Variants in TRUB1 observed in about 807,000 individuals in gnomAD.
TRUB1 encodes TruB pseudouridine synthase family member 1.
In TRUB1, 23 loss-of-function variants were observed where a neutral mutation model predicts 33.9. That is an observed-to-expected ratio of 0.68 (90% CI 0.49 to 0.96). The LOEUF is 0.96. Ranked by LOEUF, TRUB1 falls within the 40% of genes least tolerant of loss-of-function variation. TRUB1 has a pLI of 0.00. For synonymous variants in TRUB1, 163 were observed against 165.4 expected (o/e 0.99, Z 0.11); for missense variants, 378 against 422.2 (o/e 0.90, Z 0.92).
chr10:114,973,591 G>A (rs1355250335), intron 6 of TRUB1, among the ~76,000 whole-genome samples: 1 of 152,194 alleles, frequency 6.6e-6, no homozygotes, highest in Non-Finnish European at 1.5e-5. Flanking sequence ...GTCCTTTTGT[G>A]TGGAAATGTG....
At chr10:114,960,549 C>T (rs2084280849) in intron 4 of TRUB1, among the ~76,000 whole-genome samples, 1 of 152,048 alleles carries the variant, frequency 6.6e-6, no homozygotes, top group African/African-American at 2.4e-5. Context: ...GTTGATTATC[C>T]TTATTACGTA....
intron 4 of TRUB1, 71 bp downstream of exon 4, chr10:114,959,878 A>G (rs1364979708): frequency 1.1e-6 from 1 of 883,478 alleles, no homozygotes; most frequent in African/African-American, 1.7e-5. Flanking sequence ...TAGCATTTTA[A>G]AACAAATCTC....
intron 7 of TRUB1, among the ~76,000 whole-genome samples, chr10:114,974,683 CA>C (rs745691662): frequency 4.5e-3 from 582 of 129,008 alleles, no homozygotes; most frequent in Admixed American, 5.8e-3. Flanking sequence ...AACTAGGGAT[CA>C]AAAAAAAAAA....
chr10:114,938,610 G>T, intron 1 of TRUB1, 71 bp downstream of exon 1: 1 of 1,423,652 alleles, frequency 7.0e-7, no homozygotes. Flanking sequence ...GGCTTTTTGC[G>T]ACGCTCGTGA....
chr10:114,955,628 T>C (rs540731737), intron 3 of TRUB1, among the ~76,000 whole-genome samples: 1 of 152,128 alleles, frequency 6.6e-6, no homozygotes, highest in Non-Finnish European at 1.5e-5. Flanking sequence ...GGTCAAAGGA[T>C]AGTAACTTTC....
At chr10:114,965,206 G>A (rs985308637) in intron 4 of TRUB1, among the ~76,000 whole-genome samples, 3 of 151,954 alleles carry the variant, frequency 2.0e-5, no homozygotes, top group African/African-American at 7.2e-5. Context: ...TGAGATTACA[G>A]GCTTGAGCCA....
At chr10:114,971,189 C>T (rs367825035) in intron 5 of TRUB1, among the ~76,000 whole-genome samples, 29 of 152,282 alleles carry the variant, frequency 1.9e-4, no homozygotes, top group South Asian at 1.9e-3. Flanking sequence ...ATGAGGGCTG[C>T]GCCCTACGAC....
intron 3 of TRUB1, among the ~76,000 whole-genome samples, chr10:114,957,944 G>A (rs150444940): frequency 6.6e-6 from 1 of 152,082 alleles, no homozygotes; most frequent in African/African-American, 2.4e-5. Flanking sequence ...TGTTAACTGC[G>A]AATCATTCTG....
intron 2 of TRUB1, among the ~76,000 whole-genome samples, chr10:114,950,176 G>A (rs1054642782): frequency 6.6e-6 from 1 of 152,170 alleles, no homozygotes; most frequent in Admixed American, 6.5e-5. Flanking sequence ...GGGATTACAG[G>A]CGTGAGCCAA....
rs1463961971 is a variant in TRUB1, at chr10:114,960,112, G to A, written c.523+305G>A. ...ATTTAGGTTATTTTCCCTAGTAAAC[G>A]AGAAACAAAGCAGAGATACTCTGTT... On this transcript the variant is annotated intron_variant, in intron 4 of 7. Coordinates refer to ENST00000298746, the MANE Select transcript of TRUB1 (RefSeq NM_139169.5). 2.2e-5 allele frequency: 6 copies of A among 272,680 alleles called. No individual in the cohort carries two copies. In the South Asian group the frequency reaches 3.4e-4, roughly 16 times the overall value. 16.9% of individuals were successfully genotyped at this position (272,680 alleles called of 1,614,324 possible). A position where few individuals can be genotyped will look rare whatever the true frequency, so the allele number is the denominator to read the frequency against.
intron 2 of TRUB1, among the ~76,000 whole-genome samples, chr10:114,945,757 A>T (rs2084208527): frequency 6.6e-6 from 1 of 152,030 alleles, no homozygotes; most frequent in South Asian, 2.1e-4. Context: ...TTTCATTGTG[A>T]CCCAGGGAAG....
chr10:114,953,013 G>GT (rs2084244086), intron 3 of TRUB1, among the ~76,000 whole-genome samples: 1 of 151,808 alleles, frequency 6.6e-6, no homozygotes, highest in Non-Finnish European at 1.5e-5. Flanking sequence ...ATTTGTTTGG[G>GT]TTTTTTTACC....
intron 4 of TRUB1, among the ~76,000 whole-genome samples, chr10:114,968,450 G>A (rs1040559185): frequency 6.6e-6 from 1 of 152,204 alleles, no homozygotes; most frequent in Non-Finnish European, 1.5e-5. Context: ...TTCAGCAAGT[G>A]CCAGCATGGT....
At chr10:114,960,308 C>T (rs2084279963) in intron 4 of TRUB1, among the ~76,000 whole-genome samples, 1 of 152,136 alleles carries the variant, frequency 6.6e-6, no homozygotes, top group Non-Finnish European at 1.5e-5. Flanking sequence ...CTCACTGGGG[C>T]CCACCTTAAG....
At chr10:114,974,289 A>G (rs758478528) in intron 6 of TRUB1, 40 bp from the exon 7 acceptor site, 3 of 1,511,466 alleles carry the variant, frequency 2.0e-6, no homozygotes, top group Non-Finnish European at 2.8e-6. Flanking sequence ...TGGATTTCAT[A>G]GGAGGTTAGC....
rs182355759 is a variant in TRUB1 at position 114,962,834 on chromosome 10, A to T, written c.523+3027A>T. ...TGTGGTATACGGCATACAGAATGAC[A>T]TATATGACATATAGAGTTTGAATCA... On this transcript the variant is annotated intron_variant, in intron 4 of 7. Transcript: ENST00000298746. 7.9e-5 allele frequency among the ~76,000 whole-genome samples: 12 copies of T among 152,346 alleles called. No individual in the cohort carries two copies. In the East Asian group the frequency reaches 2.3e-3, roughly 29 times the overall value.
chr10:114,974,230 T>G (rs1348577621), intron 6 of TRUB1, 99 bp from the exon 7 acceptor site: 6 of 827,738 alleles, frequency 7.2e-6, no homozygotes, highest in Non-Finnish European at 1.0e-5. Context: ...CTCAATTGTT[T>G]GCATAGTGCA....
At position 114,951,127 on chromosome 10, in the gene TRUB1, C is replaced by T. The variant is rs756464725; in HGVS notation, c.419C>T (p.Thr140Ile). The T allele has an allele frequency of 6.2e-7, 1 of 1,612,298 alleles. No individual in the cohort carries two copies. The highest frequency in any genetic ancestry group is 8.5e-7 in the Non-Finnish European group (1 of 1,179,014). ...VGIGSGTKML[T>I]SMLSGSKRYT... Reference sequence around the variant, plus strand: ...ATTGGAAGCGGAACAAAAATGTTGACCAGTATGTTGTCAGGGTCCAAGGTA... The same window carrying T: ...ATTGGAAGCGGAACAAAAATGTTGATCAGTATGTTGTCAGGGTCCAAGGTA... The change falls in exon 3 of 8, where the codon ACC becomes ATC. Residue 140 changes from threonine (T) to isoleucine (I), a missense_variant. By Grantham distance (89) the Thr-to-Ile change is moderately conservative. Transcript: ENST00000298746.
intron 2 of TRUB1, among the ~76,000 whole-genome samples, chr10:114,950,216 G>A (rs1024452164): frequency 6.6e-6 from 1 of 152,126 alleles, no homozygotes; most frequent in Non-Finnish European, 1.5e-5. Flanking sequence ...TTGTTATAAG[G>A]ATTAAATGGG....
Sources: gnomAD v4.1 joint callset for allele counts (sites outside exome capture counted in the v4.1 genomes callset) on GRCh38, gnomAD v4.1.1 for gene constraint, MANE v1.5 for transcripts, NCBI Gene and HGNC (gene_info 2026-07-23, HGNC 2026-07-21) for gene names.